Variants in PPP2R5A observed in about 807,000 individuals in gnomAD.
PPP2R5A encodes serine/threonine-protein phosphatase 2A 56 kDa regulatory subunit alpha isoform.
Under a neutral mutation model 64.2 loss-of-function variants are expected in PPP2R5A, and 25 were observed. The observed-to-expected ratio is 0.39, with a 90% CI of 0.28 to 0.54. The LOEUF is 0.54. Ranked by LOEUF, PPP2R5A falls within the 20% of genes least tolerant of loss-of-function variation. The pLI, the probability that PPP2R5A is intolerant of heterozygous loss-of-function variation, is 0.67. For synonymous variants in PPP2R5A, 198 were observed against 201.2 expected (o/e 0.98, Z 0.13); for missense variants, 425 against 576.3 (o/e 0.74, Z 2.69).
chr1:212,342,652 G>C (rs1389516562), intron 4 of PPP2R5A, among the ~76,000 whole-genome samples: 1 of 152,104 alleles, frequency 6.6e-6, no homozygotes, highest in African/African-American at 2.4e-5. Context: ...TTTAAGCATT[G>C]GGACTTTGAA....
At chr1:212,294,249 T>G (rs1047146594) in intron 1 of PPP2R5A, among the ~76,000 whole-genome samples, 1 of 152,208 alleles carries the variant, frequency 6.6e-6, no homozygotes, top group Non-Finnish European at 1.5e-5. Context: ...TTTGAACTCA[T>G]TGTTAATCCC....
chr1:212,297,470 G>A (rs1658718889), intron 1 of PPP2R5A: 1 of 152,066 alleles, frequency 6.6e-6, no homozygotes, highest in African/African-American at 2.4e-5. Context: ...AAAGTGAGTG[G>A]AAATTGTAGA....
In PPP2R5A at chr1:212,286,217, AGCGCTCCCAGG is replaced by A. The variant is rs1323531437; in HGVS notation, c.110_120del (p.Arg37LeufsTer26). On this transcript the variant is annotated frameshift_variant, in exon 1 of 13. Transcript: ENST00000261461. LOFTEE classifies it high-confidence loss of function. The stretch of plus-strand genomic sequence containing the variant: ...TCGGTCCGCAAGGCGCAGAGGCAGA[AGCGCTCCCAGG>A]GCTCGTCGCAGTTTCGCAGCCAGGG... 1 of 1,573,298 alleles carries A rather than the reference AGCGCTCCCAGG, an allele frequency of 6.4e-7. No individual in the cohort carries two copies. Among genetic ancestry groups the A allele is most frequent in the African/African-American group, 1.4e-5 (1 of 73,176 alleles).
chr1:212,307,577 G>A (rs891820115), intron 1 of PPP2R5A, among the ~76,000 whole-genome samples: 2 of 151,942 alleles, frequency 1.3e-5, no homozygotes, highest in African/African-American at 4.8e-5. Flanking sequence ...ACCGTCCAAT[G>A]GTACATTATA....
At chr1:212,360,387 G>A (rs779071745) in intron 12 of PPP2R5A, among the ~76,000 whole-genome samples, 15 of 152,200 alleles carry the variant, frequency 9.9e-5, no homozygotes, top group Non-Finnish European at 1.8e-4. Flanking sequence ...CAGTGTCATG[G>A]TAGTGATAAT....
intron 4 of PPP2R5A, 75 bp downstream of exon 4, chr1:212,342,355 G>A: frequency 6.6e-7 from 1 of 1,508,148 alleles, no homozygotes; most frequent in Non-Finnish European, 8.9e-7. Context: ...TTAAAATAGT[G>A]TAGTCTTTCA....
In PPP2R5A at chr1:212,289,684, T is replaced by C. The variant is rs542309674; in HGVS notation, c.181+3393T>C. Among the ~76,000 whole-genome samples, 5 of 152,268 alleles carry C rather than the reference T, an allele frequency of 3.3e-5. No individual in the cohort carries two copies. In the South Asian group the frequency reaches 1.0e-3, roughly 32 times the overall value. ...GGCCTGTGGGGATTAAGGGGAATAA[T>C]TTAAGTGCCTAAAAATAGGCAAAGA... On this transcript the variant is annotated intron_variant, in intron 1 of 12. Coordinates refer to ENST00000261461, the MANE Select transcript of PPP2R5A (RefSeq NM_006243.4).
intron 8 of PPP2R5A, among the ~76,000 whole-genome samples, chr1:212,349,569 G>T (rs1440707409): frequency 6.6e-6 from 1 of 152,006 alleles, no homozygotes; most frequent in Non-Finnish European, 1.5e-5. Flanking sequence ...TCACCTTTTG[G>T]AATTAAAGCA....
Position 212,286,137 on chromosome 1 carries a change from G to A in PPP2R5A, c.27G>A (p.Gly9=). 1 of 1,585,244 alleles carries A rather than the reference G, an allele frequency of 6.3e-7. No homozygotes were observed. Among genetic ancestry groups the A allele is most frequent in the Non-Finnish European group, 8.6e-7 (1 of 1,168,260 alleles). The change falls in exon 1 of 13, where the codon GGG becomes GGA. Residue 9 remains glycine (G), a synonymous_variant. Coordinates refer to ENST00000261461, the MANE Select transcript of PPP2R5A (RefSeq NM_006243.4). The part of the protein sequence containing the change: MSSSSPPA[G]AASAAISASE... Reference sequence around the variant, plus strand: ...TGTCGTCGTCGTCGCCGCCGGCGGGGGCTGCCAGCGCCGCCATCTCGGCCT... The same window carrying A: ...TGTCGTCGTCGTCGCCGCCGGCGGGAGCTGCCAGCGCCGCCATCTCGGCCT...
At chr1:212,354,819 G>A (rs138187853) in intron 8 of PPP2R5A, among the ~76,000 whole-genome samples, 1,982 of 152,188 alleles carry the variant, frequency 0.013, 17 homozygotes, top group Non-Finnish European at 0.019. Context: ...TGTACCTTTC[G>A]TGTTTAGATA....
intron 6 of PPP2R5A, among the ~76,000 whole-genome samples, chr1:212,348,023 T>A (rs1659814035): frequency 6.6e-6 from 1 of 152,188 alleles, no homozygotes; most frequent in Non-Finnish European, 1.5e-5. Flanking sequence ...TCCAACAAAG[T>A]AAGAAAAATT....
chr1:212,321,014 CA>C (rs1415958211), intron 1 of PPP2R5A, among the ~76,000 whole-genome samples: 8 of 59,072 alleles, frequency 1.4e-4, no homozygotes, highest in African/African-American at 5.8e-4. Context: ...TAGGGGCGGC[CA>C]GGTAGAGGCG....
intron 1 of PPP2R5A, among the ~76,000 whole-genome samples, chr1:212,317,472 A>G (rs1659178916): frequency 6.6e-6 from 1 of 152,218 alleles, no homozygotes; most frequent in Non-Finnish European, 1.5e-5. Context: ...CACATACTGT[A>G]AAGCAGTGGT....
At chr1:212,328,694 G>C (rs541494269) in intron 1 of PPP2R5A, among the ~76,000 whole-genome samples, 1 of 152,282 alleles carries the variant, frequency 6.6e-6, no homozygotes, top group East Asian at 1.9e-4. Context: ...GGAGCAATTA[G>C]CATATCATTG....
intron 1 of PPP2R5A, among the ~76,000 whole-genome samples, chr1:212,320,995 A>T (rs184648454): frequency 1.4e-4 from 6 of 43,736 alleles, no homozygotes; most frequent in Admixed American, 8.3e-4. Context: ...GGGGCTCCTC[A>T]CTTCCCAATA....
At chr1:212,346,124 G>T (rs1000765075) in intron 5 of PPP2R5A, among the ~76,000 whole-genome samples, 191 bp downstream of exon 5, 2 of 151,842 alleles carry the variant, frequency 1.3e-5, no homozygotes, top group Non-Finnish European at 2.9e-5. Context: ...CTCTCAGCCT[G>T]CCAAGTAGTG....
At chr1:212,354,339 T>C (rs566004271) in intron 8 of PPP2R5A, among the ~76,000 whole-genome samples, 1 of 151,766 alleles carries the variant, frequency 6.6e-6, no homozygotes, top group East Asian at 1.9e-4. Flanking sequence ...ATCACACCAG[T>C]GCACCCCAGC....
At chr1:212,352,947 C>A in intron 8 of PPP2R5A, 1 of 518,578 alleles carries the variant, frequency 1.9e-6, no homozygotes, top group Non-Finnish European at 3.9e-6. Context: ...GGGAAAATAC[C>A]ATTCCATTGG....
intron 1 of PPP2R5A, among the ~76,000 whole-genome samples, chr1:212,305,916 A>G (rs1203949920): frequency 6.6e-6 from 1 of 152,214 alleles, no homozygotes; most frequent in Non-Finnish European, 1.5e-5. Context: ...TGGAGTGGCT[A>G]TACTAATGTT....
Sources: allele counts gnomAD v4.1 joint callset (sites outside exome capture counted in the v4.1 genomes callset), GRCh38; gene constraint gnomAD v4.1.1; transcripts MANE v1.5; gene names NCBI Gene and HGNC (gene_info 2026-07-23, HGNC 2026-07-21).